The following CASP8 variants were observed in gnomAD, a reference collection of about 807,000 sequenced individuals.
CASP8 encodes caspase 8, also known as caspase-8.
A neutral mutation model predicts 46.3 loss-of-function variants in CASP8; 24 were observed. The observed-to-expected ratio is 0.52, with a 90% CI of 0.38 to 0.73. CASP8 has a LOEUF of 0.73. Ranked by LOEUF, CASP8 falls within the 30% of genes least tolerant of loss-of-function variation. The pLI is 0.00. For missense variants in CASP8, 460 were observed against 559.0 expected (o/e 0.82, Z 1.79); for synonymous variants, 188 against 200.4 (o/e 0.94, Z 0.52).
chr2:201,279,663 T>C (rs1372990971), intron 7 of CASP8, among the ~76,000 whole-genome samples: 1 of 152,162 alleles, frequency 6.6e-6, no homozygotes, highest in Non-Finnish European at 1.5e-5. Context: ...AAGGCTCTAA[T>C]ACGAAAGAGA....
intron 2 of CASP8, among the ~76,000 whole-genome samples, chr2:201,253,148 A>G (rs1406412644): frequency 6.6e-6 from 1 of 151,970 alleles, no homozygotes; most frequent in South Asian, 2.1e-4. Context: ...CCACTGCACC[A>G]CCACACCCGA....
intron 2 of CASP8, among the ~76,000 whole-genome samples, chr2:201,239,887 C>G (rs1013972970): frequency 3.3e-5 from 5 of 152,194 alleles, no homozygotes; most frequent in African/African-American, 7.2e-5. Flanking sequence ...TAAGTGAAAC[C>G]AAGTTCCTGA....
intron 1 of CASP8, among the ~76,000 whole-genome samples, 200 bp downstream of exon 1, chr2:201,260,813 T>A (rs1473435232): frequency 6.6e-6 from 1 of 152,206 alleles, no homozygotes. Context: ...CCGAGGGCCG[T>A]GCAGTTTCCA....
At chr2:201,238,618 T>C (rs1282787284) in intron 2 of CASP8, among the ~76,000 whole-genome samples, 3 of 152,074 alleles carry the variant, frequency 2.0e-5, no homozygotes, top group African/African-American at 7.2e-5. Context: ...ATTTTTTGTA[T>C]TTTTAGTAGA....
chr2:201,261,673 T>C (rs1429595750), intron 1 of CASP8, among the ~76,000 whole-genome samples: 4 of 152,200 alleles, frequency 2.6e-5, no homozygotes, highest in Admixed American at 1.3e-4. Context: ...GCCCGCAGTC[T>C]GAGGCAGCCA....
chr2:201,273,608 T>C (rs1948436735), intron 5 of CASP8, among the ~76,000 whole-genome samples: 1 of 152,166 alleles, frequency 6.6e-6, no homozygotes, highest in South Asian at 2.1e-4. Context: ...TTTTTCTACC[T>C]GATAAGCGAG....
In CASP8 at chr2:201,284,931, C is replaced by T; in HGVS notation, c.918C>T (p.Asn306=). 6.2e-7 allele frequency: 1 copy of T among 1,614,156 alleles called. No individual in the cohort carries two copies. The highest frequency in any genetic ancestry group is 8.5e-7 in the Non-Finnish European group (1 of 1,180,032). Residue 306 remains asparagine, a synonymous_variant, in exon 8 of 9, where the codon AAC becomes AAT. Transcript: ENST00000673742. ...LKIYQLMDHS[N]MDCFICCILS... is the part of the protein sequence containing the mutation. ...TCTACCAACTCATGGACCACAGTAACATGGACTGCTTCATCTGCTGTATCC... is the reference window on the plus strand; with the variant it reads ...TCTACCAACTCATGGACCACAGTAATATGGACTGCTTCATCTGCTGTATCC...
At chr2:201,269,449 C>T (rs551357234) in intron 2 of CASP8, 5 of 1,165,790 alleles carry the variant, frequency 4.3e-6, no homozygotes, top group African/African-American at 1.5e-5. Flanking sequence ...AACCCACAGC[C>T]CCAGAACAAG....
At chr2:201,278,103 T>C (rs1948766252) in intron 7 of CASP8, 1 of 152,452 alleles carries the variant, frequency 6.6e-6, no homozygotes, top group Non-Finnish European at 1.5e-5. Flanking sequence ...GCGCTTGGTA[T>C]TGAAAAAAAT....
chr2:201,258,905 T>G (rs1576270254), upstream of CASP8, among the ~76,000 whole-genome samples: 2 of 152,220 alleles, frequency 1.3e-5, no homozygotes, highest in East Asian at 3.8e-4. Flanking sequence ...TCTAATGTTT[T>G]GATGTGGATT....
intron 2 of CASP8, among the ~76,000 whole-genome samples, chr2:201,251,960 G>A (rs1946808315): frequency 6.6e-6 from 1 of 151,970 alleles, no homozygotes; most frequent in East Asian, 1.9e-4. Flanking sequence ...GTGTCCGTAT[G>A]AGTTTTCATT....
At chr2:201,263,510 T>G (rs1454531331) in intron 1 of CASP8, among the ~76,000 whole-genome samples, 2 of 152,224 alleles carry the variant, frequency 1.3e-5, no homozygotes, top group Non-Finnish European at 2.9e-5. Context: ...CATAAAATAT[T>G]TGGTAGGAAA....
At chr2:201,244,904 G>T (rs552760362) in intron 2 of CASP8, among the ~76,000 whole-genome samples, 2 of 152,194 alleles carry the variant, frequency 1.3e-5, no homozygotes, top group Non-Finnish European at 2.9e-5. Flanking sequence ...AATATGCAGC[G>T]CAAATGATGA....
intron 2 of CASP8, among the ~76,000 whole-genome samples, chr2:201,236,648 G>A (rs2124847029): frequency 6.6e-6 from 1 of 152,190 alleles, no homozygotes; most frequent in South Asian, 2.1e-4. Context: ...GCAGTGGTGT[G>A]ACCTCGGCTT....
At chr2:201,283,210 C>T (rs1298131467) in intron 7 of CASP8, among the ~76,000 whole-genome samples, 1 of 76,252 alleles carries the variant, frequency 1.3e-5, no homozygotes, top group African/African-American at 4.5e-5. Context: ...GGCGGCTGGC[C>T]AGGCGGGGGG....
chr2:201,286,645 T>C lies in CASP8; in HGVS notation c.*51T>C. ...TGTTTTGTTTTTTTGAGACAGAATCTCGCTCTGTCGCCCAGGCTGGAGTGC... is the reference window on the plus strand; with the variant it reads ...TGTTTTGTTTTTTTGAGACAGAATCCCGCTCTGTCGCCCAGGCTGGAGTGC... On this transcript the variant is annotated 3_prime_UTR_variant, in exon 9 of 9. Transcript: ENST00000673742. 2 of 1,509,342 alleles carry C rather than the reference T, an allele frequency of 1.3e-6. No homozygotes were observed. Among genetic ancestry groups the C allele is most frequent in the African/African-American group, 1.4e-5 (1 of 72,322 alleles). 93.5% of individuals were successfully genotyped at this position (1,509,342 alleles called of 1,614,324 possible). A position where few individuals can be genotyped will look rare whatever the true frequency, so the allele number is the denominator to read the frequency against.
intron 2 of CASP8, among the ~76,000 whole-genome samples, chr2:201,234,650 G>C (rs1412737083): frequency 1.3e-5 from 2 of 151,488 alleles, no homozygotes; most frequent in African/African-American, 4.9e-5. Context: ...GAGATGGGGG[G>C]GTCTCACCAT....
chr2:201,281,108 G>A (rs1948971111), intron 7 of CASP8, among the ~76,000 whole-genome samples: 1 of 152,166 alleles, frequency 6.6e-6, no homozygotes, highest in Admixed American at 6.5e-5. Flanking sequence ...GAGGCTGGGA[G>A]TTTGTGACCA....
At chr2:201,274,123 C>T (rs1948473130) in intron 5 of CASP8, among the ~76,000 whole-genome samples, 1 of 152,064 alleles carries the variant, frequency 6.6e-6, no homozygotes, top group Non-Finnish European at 1.5e-5. Flanking sequence ...GTGTAAAATA[C>T]ATTTTGGATC....
Sources: allele counts gnomAD v4.1 joint callset (sites outside exome capture counted in the v4.1 genomes callset), GRCh38; gene constraint gnomAD v4.1.1; transcripts MANE v1.5; gene names NCBI Gene and HGNC (gene_info 2026-07-23, HGNC 2026-07-21).